AUH: variants seen among roughly 807,000 people sequenced by gnomAD.
AUH encodes the protein methylglutaconyl-CoA hydratase, mitochondrial.
A neutral mutation model predicts 42.3 loss-of-function variants in AUH; 29 were observed. The ratio of observed to expected loss-of-function variants is 0.69; its 90% CI spans 0.51 to 0.93. The LOEUF (loss-of-function observed/expected upper bound fraction) is 0.93. AUH is among the 40% of genes least tolerant of loss of function. The pLI is 0.00. For synonymous variants in AUH, 174 were observed against 166.4 expected (o/e 1.05, Z -0.35); for missense variants, 452 against 438.1 (o/e 1.03, Z -0.28).
At chr9:91,353,220 G>A (rs57252569) in intron 3 of AUH, among the ~76,000 whole-genome samples, 4,386 of 151,972 alleles carry the variant, frequency 0.029, 104 homozygotes, top group East Asian at 0.065. Context: ...CTGAGTAGCT[G>A]GGATTACAGG....
intron 4 of AUH, among the ~76,000 whole-genome samples, chr9:91,303,665 T>C (rs1827989343): frequency 6.6e-6 from 1 of 152,172 alleles, no homozygotes; most frequent in Non-Finnish European, 1.5e-5. Flanking sequence ...TGAAGAATAG[T>C]GTTCCTACAG....
intron 6 of AUH, among the ~76,000 whole-genome samples, chr9:91,244,165 A>T (rs1327987447): frequency 6.6e-6 from 1 of 152,254 alleles, no homozygotes; most frequent in Non-Finnish European, 1.5e-5. Flanking sequence ...ATCTCTATCT[A>T]AACCAGCAAG....
intron 6 of AUH, among the ~76,000 whole-genome samples, chr9:91,234,778 C>T (rs1184405703): frequency 6.7e-6 from 1 of 149,496 alleles, no homozygotes; most frequent in African/African-American, 2.5e-5. Context: ...AAGCAATGGG[C>T]CAGAGAGAAG....
At chr9:91,286,738 AT>A (rs1217029628) in intron 6 of AUH, among the ~76,000 whole-genome samples, 1 of 151,662 alleles carries the variant, frequency 6.6e-6, no homozygotes, top group East Asian at 1.9e-4. Flanking sequence ...AAAAAAAAAA[AT>A]CTATCTATCT....
intron 3 of AUH, among the ~76,000 whole-genome samples, chr9:91,345,399 G>A (rs932627251): frequency 2.0e-5 from 3 of 152,042 alleles, no homozygotes; most frequent in Admixed American, 1.3e-4. Context: ...CAATATACTA[G>A]TAATAAAAAA....
intron 3 of AUH, among the ~76,000 whole-genome samples, chr9:91,331,397 A>G (rs1270059672): frequency 6.6e-6 from 1 of 152,248 alleles, no homozygotes; most frequent in Non-Finnish European, 1.5e-5. Flanking sequence ...AAGTATAATA[A>G]GATTCAATAA....
chr9:91,333,414 T>C (rs1022158536), intron 3 of AUH, among the ~76,000 whole-genome samples: 1 of 152,220 alleles, frequency 6.6e-6, no homozygotes, highest in East Asian at 1.9e-4. Flanking sequence ...GTGCCAAGTT[T>C]AAAAGTTTTC....
chr9:91,356,288 C>T (rs1471070986), intron 1 of AUH, 133 bp from the exon 2 acceptor site: 10 of 757,980 alleles, frequency 1.3e-5, no homozygotes, highest in South Asian at 1.5e-5. Flanking sequence ...TCCCTTCAAT[C>T]GATCTCTTCT....
intron 4 of AUH, among the ~76,000 whole-genome samples, chr9:91,322,837 G>C (rs1471445258): frequency 1.3e-5 from 2 of 152,240 alleles, no homozygotes; most frequent in Admixed American, 1.3e-4. Flanking sequence ...ACAATGACCA[G>C]ACAGAGCTTA....
intron 3 of AUH, among the ~76,000 whole-genome samples, chr9:91,354,313 A>G (rs1038850216): frequency 1.3e-5 from 2 of 152,226 alleles, no homozygotes; most frequent in Admixed American, 1.3e-4. Context: ...TACAGTCACA[A>G]ATCTTGAGTT....
intron 6 of AUH, among the ~76,000 whole-genome samples, chr9:91,237,071 T>A (rs1274171471): frequency 6.6e-6 from 1 of 152,244 alleles, no homozygotes; most frequent in African/African-American, 2.4e-5. Context: ...AGAAAATGAA[T>A]CTATCAGCTA....
intron 6 of AUH, among the ~76,000 whole-genome samples, chr9:91,236,025 C>T (rs1828154096): frequency 6.6e-6 from 1 of 152,098 alleles, no homozygotes; most frequent in African/African-American, 2.4e-5. Flanking sequence ...ATTGTTTAAG[C>T]CAGCTGAAAT....
At chr9:91,285,569 A>G (rs1345618995) in intron 6 of AUH, among the ~76,000 whole-genome samples, 2 of 117,958 alleles carry the variant, frequency 1.7e-5, no homozygotes, top group East Asian at 4.3e-4. Context: ...ACAGTATTAT[A>G]AAGGGCAGTT....
chr9:91,355,995 A>C, intron 2 of AUH, 25 bp from the exon 3 acceptor site: 3 of 1,601,348 alleles, frequency 1.9e-6, no homozygotes, highest in Non-Finnish European at 2.6e-6. Flanking sequence ...GAAGCATAGG[A>C]GGAAAAAGAG....
chr9:91,322,976 C>A (rs540151002), intron 4 of AUH, among the ~76,000 whole-genome samples: 1 of 152,248 alleles, frequency 6.6e-6, no homozygotes, highest in Non-Finnish European at 1.5e-5. Flanking sequence ...AAGCATTTGA[C>A]AAACTTTAAT....
intron 4 of AUH, among the ~76,000 whole-genome samples, chr9:91,323,677 C>G (rs186221056): frequency 2.0e-5 from 3 of 147,854 alleles, no homozygotes; most frequent in Non-Finnish European, 4.5e-5. Context: ...AAGACTACAA[C>G]GAAAACAAGG....
At chr9:91,306,755 G>A (rs1828255382) in intron 4 of AUH, among the ~76,000 whole-genome samples, 2 of 152,174 alleles carry the variant, frequency 1.3e-5, no homozygotes, top group South Asian at 2.1e-4. Context: ...ACCATCCATA[G>A]GATAATATGC....
At chr9:91,332,840 G>C (rs1316362115) in intron 3 of AUH, among the ~76,000 whole-genome samples, 2 of 152,190 alleles carry the variant, frequency 1.3e-5, no homozygotes, top group Admixed American at 1.3e-4. Context: ...GCGTGAGCAT[G>C]GCCCGAGGGC....
At chr9:91,271,607 A>G (rs1825133417) in intron 6 of AUH, among the ~76,000 whole-genome samples, 1 of 152,266 alleles carries the variant, frequency 6.6e-6, no homozygotes, top group Admixed American at 6.5e-5. Context: ...CAATTACTTC[A>G]AATATATGTA....
Sources: allele counts gnomAD v4.1 joint callset (sites outside exome capture counted in the v4.1 genomes callset), GRCh38; gene constraint gnomAD v4.1.1; transcripts MANE v1.5; gene names NCBI Gene and HGNC (gene_info 2026-07-23, HGNC 2026-07-21).